The following SAMD12 variants were observed in gnomAD, a reference collection of about 807,000 sequenced individuals.
The protein encoded by SAMD12 is sterile alpha motif domain-containing protein 12.
In SAMD12, 9 loss-of-function variants were observed where a neutral mutation model predicts 15.0. The observed-to-expected ratio is 0.60, with a 90% CI of 0.36 to 1.05. SAMD12 has a LOEUF of 1.05. SAMD12 is among the 50% of genes least tolerant of loss of function. SAMD12 has a pLI of 0.01. For synonymous variants in SAMD12, 86 were observed against 90.1 expected (o/e 0.96, Z 0.25); for missense variants, 230 against 234.2 (o/e 0.98, Z 0.12).
the SAMD12 span, among the ~76,000 whole-genome samples, chr8:118,168,669 G>C: frequency 2.6e-5 from 4 of 152,078 alleles, no homozygotes; most frequent in African/African-American, 9.7e-5. Flanking sequence ...ATTATGCTTG[G>C]ACAAGTTATC....
intron 2 of SAMD12, among the ~76,000 whole-genome samples, chr8:118,546,641 T>C (rs1057151034): frequency 2.6e-5 from 4 of 152,178 alleles, no homozygotes; most frequent in Admixed American, 2.6e-4. Context: ...ACAATTACAA[T>C]GTTGAACTCA....
rs994692516 is a variant in SAMD12 at position 118,212,095 on chromosome 8, A to G, written c.434-14363T>C. 2.7e-5 allele frequency among the ~76,000 whole-genome samples: 3 copies of G among 111,968 alleles called. No individual in the cohort carries two copies. The South Asian group carries it at 7.7e-4, about 29-fold the overall frequency. 73.5% of individuals were successfully genotyped at this position (111,968 alleles called of 152,430 possible). A position where few individuals can be genotyped will look rare whatever the true frequency, so the allele number is the denominator to read the frequency against. On this transcript the variant is annotated intron_variant, in intron 4 of 4. Coordinates refer to the SAMD12 transcript ENST00000409003. ...GTGTGTGTGTGTGTTTGTGTGAACT[A>G]CTATATTTCATTAAATCCAAGATAC...
intron 1 of SAMD12, among the ~76,000 whole-genome samples, chr8:118,621,366 C>T (rs1219761862): frequency 6.6e-6 from 1 of 152,190 alleles, no homozygotes; most frequent in Non-Finnish European, 1.5e-5. Flanking sequence ...CCAGTCCAAG[C>T]TTCCGGATGA....
At chr8:118,531,475 A>G (rs1327045327) in intron 2 of SAMD12, among the ~76,000 whole-genome samples, 7 of 152,252 alleles carry the variant, frequency 4.6e-5, no homozygotes, top group East Asian at 3.9e-4. Flanking sequence ...AAAGTCATTG[A>G]TAGCTTGATG....
intron 3 of SAMD12, among the ~76,000 whole-genome samples, chr8:118,434,265 G>T (rs4876416): frequency 0.72 from 108,865 of 152,058 alleles, 39,309 homozygotes; most frequent in African/African-American, 0.81. Context: ...TACATCTATT[G>T]TGTAGGTGAT....
intron 4 of SAMD12, among the ~76,000 whole-genome samples, chr8:118,360,813 T>A (rs566470786): frequency 6.6e-6 from 1 of 152,342 alleles, no homozygotes; most frequent in Admixed American, 6.5e-5. Flanking sequence ...TGTTTTTTTC[T>A]TGAAGAATTC....
chr8:118,204,852 G>A (rs1312599042), intron 4 of SAMD12, among the ~76,000 whole-genome samples: 2 of 152,208 alleles, frequency 1.3e-5, no homozygotes, highest in Non-Finnish European at 2.9e-5. Flanking sequence ...AAACAGAGAT[G>A]CATACATACT....
chr8:118,572,007 C>G (rs902675009), intron 2 of SAMD12, among the ~76,000 whole-genome samples: 1 of 152,180 alleles, frequency 6.6e-6, no homozygotes, highest in Non-Finnish European at 1.5e-5. Flanking sequence ...AATGCCAGTC[C>G]ATGAAAGCAG....
At chr8:118,142,168 C>A in the SAMD12 span, among the ~76,000 whole-genome samples, 1 of 152,158 alleles carries the variant, frequency 6.6e-6, no homozygotes, top group African/African-American at 2.4e-5. Flanking sequence ...TCTCCCAGGT[C>A]CTTGAACCTC....
intron 2 of SAMD12, among the ~76,000 whole-genome samples, chr8:118,524,651 T>C (rs1825483974): frequency 6.6e-6 from 1 of 152,174 alleles, no homozygotes; most frequent in Non-Finnish European, 1.5e-5. Context: ...ACTAAGAATG[T>C]CTTAAAGAGA....
the SAMD12 span, among the ~76,000 whole-genome samples, chr8:118,152,662 C>T: frequency 1.3e-5 from 2 of 152,086 alleles, no homozygotes; most frequent in Non-Finnish European, 1.5e-5. Context: ...CCAAACCTGG[C>T]TAATTTTTGC....
chr8:118,393,865 G>A (rs896164261), intron 3 of SAMD12, among the ~76,000 whole-genome samples: 2 of 152,164 alleles, frequency 1.3e-5, no homozygotes, highest in African/African-American at 4.8e-5. Context: ...GCTTCCCAAA[G>A]TGCTGGGATT....
intron 2 of SAMD12, among the ~76,000 whole-genome samples, chr8:118,514,169 A>AT (rs140200521): frequency 0.05 from 7,622 of 152,240 alleles, 587 homozygotes; most frequent in African/African-American, 0.17. Flanking sequence ...ATTTAAAATG[A>AT]TTTTTTAAGT....
At chr8:118,150,408 T>C in the SAMD12 span, among the ~76,000 whole-genome samples, 1 of 152,072 alleles carries the variant, frequency 6.6e-6, no homozygotes, top group Non-Finnish European at 1.5e-5. Context: ...AGAGACAGGG[T>C]CTTGATTTGT....
chr8:118,192,524 T>C (rs1819434387), exon 5 of SAMD12: 1 of 152,200 alleles, frequency 6.6e-6, no homozygotes, highest in South Asian at 2.1e-4. Flanking sequence ...ATTAATACTC[T>C]GCACATGAGG....
chr8:118,440,657 A>AACACACACAC (rs34419362), intron 2 of SAMD12, among the ~76,000 whole-genome samples: 2,303 of 142,106 alleles, frequency 0.016, 21 homozygotes, highest in African/African-American at 0.028. Context: ...TTATGAGGAA[A>AACACACACAC]ACACACACAC....
chr8:118,323,069 C>T (rs77528132), intron 4 of SAMD12, among the ~76,000 whole-genome samples: 5,670 of 152,154 alleles, frequency 0.037, 338 homozygotes, highest in African/African-American at 0.12. Context: ...CAGGCTGGAA[C>T]GGCAAGGACT....
chr8:118,536,257 T>A (rs1266584074), intron 2 of SAMD12, among the ~76,000 whole-genome samples: 1 of 152,142 alleles, frequency 6.6e-6, no homozygotes, highest in Non-Finnish European at 1.5e-5. Context: ...ACAGCTTTCC[T>A]CCTCTCCTGA....
chr8:118,605,289 T>C (rs1827958797), intron 1 of SAMD12, among the ~76,000 whole-genome samples: 1 of 152,190 alleles, frequency 6.6e-6, no homozygotes, highest in East Asian at 1.9e-4. Context: ...CTAAGGAAAA[T>C]GAGATTACTT....
Sources: gnomAD v4.1 joint callset for allele counts (sites outside exome capture counted in the v4.1 genomes callset) on GRCh38, gnomAD v4.1.1 for gene constraint, MANE v1.5 for transcripts, NCBI Gene and HGNC (gene_info 2026-07-23, HGNC 2026-07-21) for gene names.